CORIN: variants seen among roughly 807,000 people sequenced by gnomAD.
The protein encoded by CORIN is corin, serine peptidase.
In CORIN, 117 loss-of-function variants were observed where a neutral mutation model predicts 125.3. The observed-to-expected ratio is 0.93, with a 90% confidence interval of 0.80 to 1.09. The LOEUF (loss-of-function observed/expected upper bound fraction) is 1.09. Ranked by LOEUF, CORIN falls within the 50% of genes least tolerant of loss-of-function variation. The probability of loss-of-function intolerance (pLI) is 0.00; values close to 1 mark genes in which losing one functional copy is unlikely to be tolerated. For synonymous variants in CORIN, 450 were observed against 466.4 expected, an observed-to-expected ratio of 0.96 and a Z score of 0.45; for missense variants, 1,253 against 1,306.7, an observed-to-expected ratio of 0.96 and a Z score of 0.63.
At chr4:47,733,786 C>T (rs1467430080) in intron 5 of CORIN, among the ~76,000 whole-genome samples, 3 of 152,208 alleles carry the variant, frequency 2.0e-5, no homozygotes, top group Non-Finnish European at 4.4e-5. Flanking sequence ...ACATTATTTA[C>T]TTTACAAGAC....
At chr4:47,736,193 G>A (rs1362484236) in intron 5 of CORIN, among the ~76,000 whole-genome samples, 2 of 152,126 alleles carry the variant, frequency 1.3e-5, no homozygotes, top group African/African-American at 4.8e-5. Context: ...TTCTCTTTCA[G>A]TTTTACTCAC....
chr4:47,676,471 G>T (rs1263671217), intron 9 of CORIN, among the ~76,000 whole-genome samples: 1 of 152,072 alleles, frequency 6.6e-6, no homozygotes, highest in Non-Finnish European at 1.5e-5. Context: ...CCTATTAAGG[G>T]CATCCAAGCA....
chr4:47,787,501 TATC>T (rs1007718788), intron 2 of CORIN, among the ~76,000 whole-genome samples: 1 of 149,588 alleles, frequency 6.7e-6, no homozygotes, highest in African/African-American at 2.5e-5. Context: ...TCAAAACTTG[TATC>T]ATAGGAACCA....
At chr4:47,635,836 C>A (rs1018955345) in intron 16 of CORIN, among the ~76,000 whole-genome samples, 5 of 152,198 alleles carry the variant, frequency 3.3e-5, no homozygotes, top group Non-Finnish European at 7.3e-5. Flanking sequence ...TACTAAGGGT[C>A]TCCTGGCATA....
intron 16 of CORIN, among the ~76,000 whole-genome samples, chr4:47,640,068 C>T (rs2109604046): frequency 6.6e-6 from 1 of 152,220 alleles, no homozygotes; most frequent in Admixed American, 6.5e-5. Flanking sequence ...TTTTCCTAGT[C>T]CTTCTGTGAA....
intron 2 of CORIN, among the ~76,000 whole-genome samples, chr4:47,804,273 C>T (rs931077517): frequency 1.3e-5 from 2 of 152,152 alleles, no homozygotes; most frequent in African/African-American, 2.4e-5. Context: ...TAAATTAGTA[C>T]AACCACTATA....
intron 5 of CORIN, among the ~76,000 whole-genome samples, chr4:47,722,171 T>C (rs777446213): frequency 6.6e-5 from 10 of 152,234 alleles, no homozygotes; most frequent in Non-Finnish European, 1.2e-4. Context: ...AAGTTATCAC[T>C]GGAGAAGTGG....
intron 19 of CORIN, among the ~76,000 whole-genome samples, chr4:47,609,158 T>A (rs900106980): frequency 6.6e-6 from 1 of 152,208 alleles, no homozygotes; most frequent in Non-Finnish European, 1.5e-5. Flanking sequence ...TATACCACAC[T>A]ATGGCATCAT....
chr4:47,775,994 G>C (rs1730281132), intron 3 of CORIN, among the ~76,000 whole-genome samples: 1 of 150,074 alleles, frequency 6.7e-6, no homozygotes. Flanking sequence ...CCAGGCTCAA[G>C]TGCTTCTCCC....
At chr4:47,837,646 C>G in intron 1 of CORIN, 1 of 623,596 alleles carries the variant, frequency 1.6e-6, no homozygotes, top group Non-Finnish European at 2.8e-6. Context: ...TGCCCATGAC[C>G]CTGGGAGGGT....
intron 5 of CORIN, among the ~76,000 whole-genome samples, chr4:47,724,574 G>C (rs1226533776): frequency 6.6e-6 from 1 of 152,002 alleles, no homozygotes; most frequent in Admixed American, 6.6e-5. Context: ...AATCTCAACA[G>C]AACCCAGATA....
intron 3 of CORIN, among the ~76,000 whole-genome samples, chr4:47,779,993 T>C (rs902048819): frequency 1.3e-5 from 2 of 152,170 alleles, no homozygotes; most frequent in Admixed American, 1.3e-4. Flanking sequence ...TGTAGTTCAC[T>C]GAGGGGGAAA....
At chr4:47,653,095 CAGAG>C (rs1335151179) in intron 13 of CORIN, among the ~76,000 whole-genome samples, 2 of 152,130 alleles carry the variant, frequency 1.3e-5, no homozygotes, top group African/African-American at 4.8e-5. Context: ...TATTTTGAGA[CAGAG>C]AGAGAGAAAC....
intron 16 of CORIN, among the ~76,000 whole-genome samples, chr4:47,636,030 A>T (rs2109592316): frequency 6.6e-6 from 1 of 152,328 alleles, no homozygotes; most frequent in East Asian, 1.9e-4. Context: ...AAATTTTAGG[A>T]GGAAGTTAAA....
chr4:47,778,527 A>C (rs1730395605), intron 3 of CORIN, among the ~76,000 whole-genome samples: 1 of 152,206 alleles, frequency 6.6e-6, no homozygotes, highest in African/African-American at 2.4e-5. Context: ...AAGGGAAGGA[A>C]ATCAGGGAAA....
At chr4:47,731,954 G>A (rs1440398044) in intron 5 of CORIN, among the ~76,000 whole-genome samples, 1 of 152,144 alleles carries the variant, frequency 6.6e-6, no homozygotes, top group African/African-American at 2.4e-5. Flanking sequence ...CACACAGGTA[G>A]AGACCCTTGG....
intron 19 of CORIN, among the ~76,000 whole-genome samples, chr4:47,606,602 T>C (rs1459303926): frequency 6.6e-6 from 1 of 152,066 alleles, no homozygotes; most frequent in Non-Finnish European, 1.5e-5. Flanking sequence ...AAGAACATGC[T>C]TTTCTTATCC....
At chr4:47,774,558 G>A (rs977810890) in intron 3 of CORIN, among the ~76,000 whole-genome samples, 18 of 152,066 alleles carry the variant, frequency 1.2e-4, no homozygotes, top group Admixed American at 3.3e-4. Context: ...CATCTTCTCC[G>A]CCATAAGTCT....
chr4:47,796,214 T>C (rs912406982), intron 2 of CORIN, among the ~76,000 whole-genome samples: 3 of 152,042 alleles, frequency 2.0e-5, no homozygotes, highest in Non-Finnish European at 2.9e-5. Flanking sequence ...AGCCTAAATG[T>C]CCACTGATAG....
Sources: allele counts gnomAD v4.1 joint callset (sites outside exome capture counted in the v4.1 genomes callset), GRCh38; gene constraint gnomAD v4.1.1; transcripts MANE v1.5; gene names NCBI Gene and HGNC (gene_info 2026-07-23, HGNC 2026-07-21).